HDAC9: variants seen among roughly 807,000 people sequenced by gnomAD.
HDAC9 encodes the protein MEF-2 interacting transcription repressor (MITR) protein.
In HDAC9, 41 loss-of-function variants were observed where a neutral mutation model predicts 139.4. The ratio of observed to expected loss-of-function variants is 0.29; its 90% CI spans 0.23 to 0.38. HDAC9 has a LOEUF of 0.38. HDAC9 is among the 10% of genes least tolerant of loss of function. The probability of loss-of-function intolerance (pLI) is 1.00; values close to 1 mark genes in which losing one functional copy is unlikely to be tolerated. For synonymous variants in HDAC9, 517 were observed against 476.2 expected (o/e 1.09, Z -1.12); for missense variants, 1,147 against 1,297.0 (o/e 0.88, Z 1.78).
intron 1 of HDAC9, among the ~76,000 whole-genome samples, chr7:18,354,169 C>G (rs1262544819): frequency 1.3e-5 from 2 of 152,092 alleles, no homozygotes. Context: ...ATCAGCCCTA[C>G]TGAATGAACT....
At chr7:18,550,954 G>A (rs62446990) in intron 2 of HDAC9, among the ~76,000 whole-genome samples, 3,089 of 152,294 alleles carry the variant, frequency 0.02, 40 homozygotes, top group Non-Finnish European at 0.029. Flanking sequence ...ATCCTGTTGA[G>A]AAAGACATTG....
chr7:18,954,103 A>T (rs2129324433), intron 23 of HDAC9, 43 bp from the exon 24 acceptor site: 1 of 1,329,434 alleles, frequency 7.5e-7, no homozygotes, highest in Non-Finnish European at 1.0e-6. Context: ...CTTACTATAA[A>T]GTCATAATAT....
At chr7:18,772,754 C>T (rs1218489436) in intron 16 of HDAC9, among the ~76,000 whole-genome samples, 3 of 152,160 alleles carry the variant, frequency 2.0e-5, no homozygotes, top group African/African-American at 7.2e-5. Context: ...CACCCCATGG[C>T]ACCTGGCAAA....
intron 2 of HDAC9, among the ~76,000 whole-genome samples, chr7:18,229,536 A>G (rs1386208328): frequency 6.6e-6 from 1 of 152,206 alleles, no homozygotes. Context: ...TCCATCAATC[A>G]TATGGACAGC....
At chr7:18,200,511 G>A (rs2128159229) in intron 2 of HDAC9, among the ~76,000 whole-genome samples, 1 of 152,124 alleles carries the variant, frequency 6.6e-6, no homozygotes, top group African/African-American at 2.4e-5. Flanking sequence ...AATGTTTCTT[G>A]GCATTTTCTG....
intron 12 of HDAC9, among the ~76,000 whole-genome samples, chr7:18,683,662 GCTTA>G (rs1334333618): frequency 2.6e-5 from 4 of 152,044 alleles, no homozygotes; most frequent in Non-Finnish European, 2.9e-5. Flanking sequence ...TGAAGCGCTT[GCTTA>G]CTTCTTATAG....
chr7:18,717,687 T>G (rs912782816), intron 12 of HDAC9, among the ~76,000 whole-genome samples: 1 of 152,056 alleles, frequency 6.6e-6, no homozygotes, highest in Non-Finnish European at 1.5e-5. Context: ...CGCCTCGGCC[T>G]CCCAAAGTGC....
chr7:18,398,850 G>T (rs1288078431), intron 1 of HDAC9, among the ~76,000 whole-genome samples: 1 of 151,968 alleles, frequency 6.6e-6, no homozygotes, highest in Non-Finnish European at 1.5e-5. Context: ...CTTAACTAGA[G>T]GAACCCAAAT....
At chr7:18,652,040 A>G (rs1381611002) in intron 11 of HDAC9, among the ~76,000 whole-genome samples, 1 of 152,152 alleles carries the variant, frequency 6.6e-6, no homozygotes, top group Admixed American at 6.5e-5. Flanking sequence ...AAGGCTTACA[A>G]CATTTGATCT....
intron 24 of HDAC9, among the ~76,000 whole-genome samples, chr7:18,964,380 A>G: frequency 6.6e-6 from 1 of 152,126 alleles, no homozygotes; most frequent in East Asian, 1.9e-4. Context: ...TTAATTTCAT[A>G]GAATGCAGTA....
chr7:18,704,278 C>T (rs1470294917), intron 12 of HDAC9, among the ~76,000 whole-genome samples: 1 of 152,228 alleles, frequency 6.6e-6, no homozygotes, highest in Non-Finnish European at 1.5e-5. Context: ...TGCTTACACA[C>T]TTCTTCCTCC....
At chr7:18,302,273 G>A (rs867427727) in intron 1 of HDAC9, among the ~76,000 whole-genome samples, 1 of 152,166 alleles carries the variant, frequency 6.6e-6, no homozygotes, top group South Asian at 2.1e-4. Flanking sequence ...TCTAATTGTG[G>A]TTCTGAAGGG....
chr7:18,679,056 T>C (rs1442011939), intron 12 of HDAC9, among the ~76,000 whole-genome samples: 4 of 151,864 alleles, frequency 2.6e-5, no homozygotes, highest in African/African-American at 7.2e-5. Flanking sequence ...AGAGAAAGGA[T>C]TGGATTTAGT....
At chr7:18,731,014 T>G (rs535800048) in intron 13 of HDAC9, among the ~76,000 whole-genome samples, 6 of 152,280 alleles carry the variant, frequency 3.9e-5, no homozygotes, top group African/African-American at 1.4e-4. Context: ...GCAGGTGACA[T>G]AGAGAGCATG....
chr7:18,718,653 A>AT (rs905417250), intron 12 of HDAC9, among the ~76,000 whole-genome samples: 4 of 151,976 alleles, frequency 2.6e-5, no homozygotes, highest in East Asian at 1.9e-4. Context: ...ATAAAGCGTA[A>AT]TTTTTTTATC....
chr7:18,583,237 C>T (rs1211791615), intron 2 of HDAC9, among the ~76,000 whole-genome samples: 2 of 152,028 alleles, frequency 1.3e-5, no homozygotes, highest in African/African-American at 4.8e-5. Flanking sequence ...AAGGGCTGTG[C>T]TACATGCTAT....
At chr7:18,566,317 AGTTCC>A (rs1822327285) in intron 2 of HDAC9, among the ~76,000 whole-genome samples, 1 of 152,180 alleles carries the variant, frequency 6.6e-6, no homozygotes, top group African/African-American at 2.4e-5. Flanking sequence ...CTTTCTTCAG[AGTTCC>A]TGCTTTCAAT....
chr7:18,227,202 C>A (rs1484588978), intron 2 of HDAC9, among the ~76,000 whole-genome samples: 1 of 152,058 alleles, frequency 6.6e-6, no homozygotes, highest in Non-Finnish European at 1.5e-5. Flanking sequence ...ATTTAATTAG[C>A]CTTCTCCCAT....
At chr7:18,133,541 T>C (rs1785163412) in intron 1 of HDAC9, among the ~76,000 whole-genome samples, 1 of 152,126 alleles carries the variant, frequency 6.6e-6, no homozygotes, top group Non-Finnish European at 1.5e-5. Flanking sequence ...CTGGTTATTA[T>C]CCCTGGGCTC....
Sources: allele counts gnomAD v4.1 joint callset (sites outside exome capture counted in the v4.1 genomes callset), GRCh38; gene constraint gnomAD v4.1.1; transcripts MANE v1.5; gene names NCBI Gene and HGNC (gene_info 2026-07-23, HGNC 2026-07-21).